PKNOX2: variants seen among roughly 807,000 people sequenced by gnomAD.
The protein encoded by PKNOX2 is homeobox protein PKNOX2.
In PKNOX2, 14 loss-of-function variants were observed where a neutral mutation model predicts 53.1. The ratio of observed to expected loss-of-function variants is 0.26; its 90% CI spans 0.17 to 0.41. PKNOX2 has a LOEUF of 0.41. Among genes scored for constraint, PKNOX2 ranks in the 10% least tolerant of loss-of-function variants. The pLI is 1.00. For synonymous variants in PKNOX2, 257 were observed against 242.8 expected (o/e 1.06, Z -0.54); for missense variants, 496 against 602.8 (o/e 0.82, Z 1.85).
intron 7 of PKNOX2, among the ~76,000 whole-genome samples, chr11:125,402,549 C>G (rs1954814828): frequency 6.6e-6 from 1 of 152,180 alleles, no homozygotes; most frequent in African/African-American, 2.4e-5. Context: ...ACTGTATGTT[C>G]TGTGCTAGGT....
chr11:125,352,318 T>G lies in PKNOX2; in HGVS notation c.87+926T>G, dbSNP rs540138773. Among the ~76,000 whole-genome samples the G allele has an allele frequency of 1.3e-5, 2 of 152,310 alleles. No individual in the cohort carries two copies. Among genetic ancestry groups the G allele is most frequent in the South Asian group, 4.1e-4 (2 of 4,832 alleles). On this transcript the variant is annotated intron_variant, in intron 4 of 12. Coordinates refer to ENST00000298282, the MANE Select transcript of PKNOX2 (RefSeq NM_001382323.2). This position sits in a 1 kb window ranked among gnomAD's most constrained non-coding sequence, Gnocchi z 4.1. Reference sequence around the variant, plus strand: ...TTTATTGGGCACCTGTGATGTGAAATGCACCCAGCTAGAATGTCCATCCAC... The same window carrying G: ...TTTATTGGGCACCTGTGATGTGAAAGGCACCCAGCTAGAATGTCCATCCAC...
At chr11:125,277,653 T>G (rs1264454695) in intron 2 of PKNOX2, 1 of 152,228 alleles carries the variant, frequency 6.6e-6, no homozygotes, top group Non-Finnish European at 1.5e-5. Context: ...GCATTCCATA[T>G]TTTGTACAAA....
intron 2 of PKNOX2, among the ~76,000 whole-genome samples, chr11:125,324,300 T>G (rs1949706192): frequency 6.6e-6 from 1 of 152,164 alleles, no homozygotes; most frequent in African/African-American, 2.4e-5. Flanking sequence ...TAATAATAAC[T>G]ACTTTCCAAA....
intron 1 of PKNOX2, among the ~76,000 whole-genome samples, chr11:125,174,758 T>G (rs1033723870): frequency 1.3e-5 from 2 of 152,012 alleles, no homozygotes; most frequent in Non-Finnish European, 2.9e-5. Flanking sequence ...GGGACAGAAA[T>G]CAGGCAGGAG....
chr11:125,221,895 C>T (rs542593968), intron 1 of PKNOX2, among the ~76,000 whole-genome samples: 4 of 152,284 alleles, frequency 2.6e-5, no homozygotes, highest in African/African-American at 7.2e-5. Context: ...GCCCACTGCC[C>T]GCCCGGGCTG....
intron 1 of PKNOX2, among the ~76,000 whole-genome samples, chr11:125,178,539 G>GGA (rs1240269660): frequency 7.2e-6 from 1 of 138,064 alleles, no homozygotes; most frequent in Non-Finnish European, 1.5e-5. Context: ...AGAAAGAAAG[G>GGA]GAGAGAGAGA....
At chr11:125,381,002 G>A (rs558684878) in intron 5 of PKNOX2, among the ~76,000 whole-genome samples, 4 of 152,282 alleles carry the variant, frequency 2.6e-5, no homozygotes, top group South Asian at 4.2e-4. Context: ...AACAGCTTGC[G>A]AGAAGCCCAG....
intron 6 of PKNOX2, among the ~76,000 whole-genome samples, chr11:125,387,684 C>A (rs1017752334): frequency 6.6e-6 from 1 of 152,196 alleles, no homozygotes; most frequent in Non-Finnish European, 1.5e-5. Context: ...ATACTGCCAG[C>A]GTTCCCTGGT....
intron 1 of PKNOX2, among the ~76,000 whole-genome samples, chr11:125,182,829 T>A (rs12800904): frequency 0.29 from 43,391 of 151,848 alleles, 6,211 homozygotes; most frequent in East Asian, 0.42. Context: ...GACAGAGGTA[T>A]AGATTGGAGA....
chr11:125,217,223 C>T (rs1005840877), intron 1 of PKNOX2, among the ~76,000 whole-genome samples: 1 of 152,156 alleles, frequency 6.6e-6, no homozygotes, highest in Non-Finnish European at 1.5e-5. Context: ...CTCTTCCATC[C>T]CCTCCTTTCC....
rs563642128 is a variant in PKNOX2, at chr11:125,247,571, C to T, written c.-130+12456C>T. On this transcript the variant is annotated intron_variant, in intron 2 of 12. Transcript: ENST00000298282. Reference sequence around the variant, plus strand: ...GGGTTATTGGAATGCCTTCCCCTCTCGTTAGCCTTTTGCACTCAATAAATG... The same window carrying T: ...GGGTTATTGGAATGCCTTCCCCTCTTGTTAGCCTTTTGCACTCAATAAATG... 3.9e-5 allele frequency among the ~76,000 whole-genome samples: 6 copies of T among 152,330 alleles called. No homozygotes were observed. In the South Asian group the frequency reaches 6.2e-4, roughly 16 times the overall value.
At chr11:125,223,673 A>G (rs144851463) in intron 1 of PKNOX2, among the ~76,000 whole-genome samples, 39 of 152,348 alleles carry the variant, frequency 2.6e-4, no homozygotes, top group African/African-American at 9.1e-4. Flanking sequence ...CTTTAATGCA[A>G]AGATTTCGTG....
chr11:125,348,573 T>C (rs1301108128), intron 3 of PKNOX2, among the ~76,000 whole-genome samples: 1 of 152,118 alleles, frequency 6.6e-6, no homozygotes, highest in African/African-American at 2.4e-5. Context: ...GACTGAACAG[T>C]CTCCTCTCAG....
chr11:125,364,709 C>T (rs541184174), intron 4 of PKNOX2, among the ~76,000 whole-genome samples: 6 of 152,360 alleles, frequency 3.9e-5, no homozygotes, highest in Middle Eastern at 3.4e-3. Context: ...ATAACAACCT[C>T]TCCTCCATCT....
chr11:125,237,515 C>A (rs1942806437), intron 2 of PKNOX2, among the ~76,000 whole-genome samples: 1 of 152,204 alleles, frequency 6.6e-6, no homozygotes, highest in African/African-American at 2.4e-5. Context: ...AGTGGTCTGG[C>A]ACAGCACAGC....
chr11:125,369,282 A>G (rs993841528), intron 5 of PKNOX2, among the ~76,000 whole-genome samples: 1 of 152,208 alleles, frequency 6.6e-6, no homozygotes, highest in Admixed American at 6.5e-5. Flanking sequence ...TGCCCTGTGA[A>G]ACACACAGGC....
chr11:125,378,044 C>A (rs551664078), intron 5 of PKNOX2, among the ~76,000 whole-genome samples: 1 of 152,190 alleles, frequency 6.6e-6, no homozygotes, highest in African/African-American at 2.4e-5. Flanking sequence ...GGACCATCTG[C>A]GGTAAACAGA....
chr11:125,309,661 T>C (rs1948685279), intron 2 of PKNOX2, among the ~76,000 whole-genome samples: 1 of 152,184 alleles, frequency 6.6e-6, no homozygotes, highest in African/African-American at 2.4e-5. Context: ...GTGCTGAAAT[T>C]ACAGGCGTGA....
chr11:125,299,486 G>A (rs1260686250), intron 2 of PKNOX2, among the ~76,000 whole-genome samples: 1 of 152,156 alleles, frequency 6.6e-6, no homozygotes, highest in Non-Finnish European at 1.5e-5. Flanking sequence ...GGGAAGGGCG[G>A]GGTGACAGAG....
Sources: allele counts gnomAD v4.1 joint callset (sites outside exome capture counted in the v4.1 genomes callset), GRCh38; gene constraint gnomAD v4.1.1; non-coding constraint Gnocchi (gnomAD v3.1); transcripts MANE v1.5; gene names NCBI Gene and HGNC (gene_info 2026-07-23, HGNC 2026-07-21).